The following RPN2 variants were observed in gnomAD, a reference collection of about 807,000 sequenced individuals.
The protein encoded by RPN2 is ribophorin II.
In RPN2, 29 loss-of-function variants were observed where a neutral mutation model predicts 71.4. The ratio of observed to expected loss-of-function variants is 0.41; its 90% CI spans 0.30 to 0.55. The LOEUF is 0.55. RPN2 is among the 20% of genes least tolerant of loss of function. RPN2 has a pLI of 0.35. For synonymous variants in RPN2, 308 were observed against 305.0 expected (o/e 1.01, Z -0.10); for missense variants, 726 against 774.1 (o/e 0.94, Z 0.74).
chr20:37,206,596 A>AT (rs2067514098), intron 6 of RPN2, among the ~76,000 whole-genome samples: 1 of 152,194 alleles, frequency 6.6e-6, no homozygotes, highest in African/African-American at 2.4e-5. Flanking sequence ...AGCACCTATC[A>AT]TGATGCCTGG....
intron 11 of RPN2, among the ~76,000 whole-genome samples, chr20:37,227,904 T>C (rs2068120141): frequency 6.6e-6 from 1 of 152,226 alleles, no homozygotes; most frequent in Non-Finnish European, 1.5e-5. Flanking sequence ...GCATATGGTA[T>C]TGCAAATCTT....
At chr20:37,179,591 C>G (rs904125474) in intron 1 of RPN2, 9 of 1,200,372 alleles carry the variant, frequency 7.5e-6, no homozygotes, top group African/African-American at 4.8e-5. Flanking sequence ...AGGGGTGCAG[C>G]GCGGAGCTAC....
chr20:37,217,304 T>TTATTATTATTATTATTATTC (rs564725876), intron 9 of RPN2, among the ~76,000 whole-genome samples: 1 of 144,058 alleles, frequency 6.9e-6, no homozygotes, highest in African/African-American at 2.5e-5. Context: ...TATTATTCTT[T>TTATTATTATTATTATTATTC]TTTTTTTGAA....
intron 3 of RPN2, 122 bp from the exon 4 acceptor site, chr20:37,198,928 G>T: frequency 1.2e-6 from 1 of 813,362 alleles, no homozygotes; most frequent in East Asian, 2.5e-5. Context: ...GGGATTAGAG[G>T]GGGATGAGCA....
intron 11 of RPN2, among the ~76,000 whole-genome samples, chr20:37,226,847 G>C (rs1008339322): frequency 3.3e-5 from 5 of 152,082 alleles, no homozygotes; most frequent in African/African-American, 1.2e-4. Context: ...TTAGTGTTAC[G>C]TGAAGGAAGA....
At chr20:37,196,705 TACC>T (rs778037091) in intron 2 of RPN2, among the ~76,000 whole-genome samples, 1 of 152,184 alleles carries the variant, frequency 6.6e-6, no homozygotes, top group Non-Finnish European at 1.5e-5. Context: ...CTGTTATTAT[TACC>T]ACATCTTTTT....
intron 4 of RPN2, among the ~76,000 whole-genome samples, chr20:37,201,922 A>G (rs1009089759): frequency 6.6e-6 from 1 of 152,252 alleles, no homozygotes; most frequent in Admixed American, 6.5e-5. Context: ...GTAGTCTGTC[A>G]TAAATCAATT....
intron 13 of RPN2, 58 bp downstream of exon 13, chr20:37,230,117 G>A: frequency 7.9e-7 from 1 of 1,261,524 alleles, no homozygotes; most frequent in Non-Finnish European, 1.2e-6. Flanking sequence ...ACAAAGCCCT[G>A]GACAGTGGCT....
intron 14 of RPN2, among the ~76,000 whole-genome samples, chr20:37,232,771 G>C (rs1320850017): frequency 6.6e-6 from 1 of 152,186 alleles, no homozygotes; most frequent in Non-Finnish European, 1.5e-5. Flanking sequence ...CAGAAAACCA[G>C]AAACAACCTA....
At chr20:37,195,638 T>G (rs2067239039) in intron 2 of RPN2, among the ~76,000 whole-genome samples, 1 of 152,220 alleles carries the variant, frequency 6.6e-6, no homozygotes, top group South Asian at 2.1e-4. Flanking sequence ...TGACACATTT[T>G]AAGTGCTCAG....
chr20:37,215,356 C>T (rs1416734734), intron 9 of RPN2, among the ~76,000 whole-genome samples: 1 of 152,202 alleles, frequency 6.6e-6, no homozygotes, highest in East Asian at 1.9e-4. Flanking sequence ...AATCTCTTCA[C>T]CTCATGTGTT....
chr20:37,228,629 A>C lies in RPN2; in HGVS notation c.1379A>C (p.Lys460Thr). 1 of 1,614,242 alleles carries C rather than the reference A, an allele frequency of 6.2e-7. No homozygotes were observed. Among genetic ancestry groups the C allele is most frequent in the Non-Finnish European group, 8.5e-7 (1 of 1,180,030 alleles). The change falls in exon 12 of 17, where the codon AAG becomes ACG. Residue 460 changes from lysine to threonine, a missense_variant. By Grantham distance (78) the Lys-to-Thr change is moderately conservative. Coordinates refer to ENST00000237530, the MANE Select transcript of RPN2 (RefSeq NM_002951.5). ...VAEPDNKNVY[K>T]FELDTSERKI... Reference sequence around the variant, plus strand: ...GAGCCAGACAACAAGAACGTGTACAAGTTTGAACTGGATACCTCTGAAAGA... The same window carrying C: ...GAGCCAGACAACAAGAACGTGTACACGTTTGAACTGGATACCTCTGAAAGA...
At chr20:37,186,092 A>G (rs1288417231) in intron 2 of RPN2, among the ~76,000 whole-genome samples, 1 of 152,198 alleles carries the variant, frequency 6.6e-6, no homozygotes, top group Non-Finnish European at 1.5e-5. Context: ...CAGTAATGGC[A>G]TGGTGAGTCC....
chr20:37,213,613 G>A (rs2067730625), intron 8 of RPN2, 147 bp from the exon 9 acceptor site: 2 of 687,690 alleles, frequency 2.9e-6, no homozygotes, highest in Middle Eastern at 2.4e-4. Flanking sequence ...TAAGAAGCAC[G>A]AGATTGCCCA....
chr20:37,224,350 C>T (rs2068028232), intron 10 of RPN2, among the ~76,000 whole-genome samples: 1 of 152,180 alleles, frequency 6.6e-6, no homozygotes, highest in South Asian at 2.1e-4. Flanking sequence ...AATTTACATT[C>T]TGGTGCGATC....
At chr20:37,236,473 G>T in intron 15 of RPN2, 107 bp from the exon 16 acceptor site, 1 of 1,165,310 alleles carries the variant, frequency 8.6e-7, no homozygotes. Context: ...GCTGGTATAG[G>T]AGTACAGACC....
chr20:37,241,305 C>T lies in RPN2; in HGVS notation c.1886C>T (p.Thr629Ile), dbSNP rs1397442339. The change falls in exon 17 of 17, where the codon ACA (threonine) becomes ATA (isoleucine). Residue 629 changes from threonine (T) to isoleucine (I), a missense_variant and splice_region_variant. Thr to Ile is a moderately conservative substitution (Grantham distance 89, BLOSUM62 -1). Transcript: ENST00000237530. ...TGTTTGTCTCCATTTTCTTTCAGAACAGCACATTAGTTCCAGAAGAAAGAT... is the reference window on the plus strand; with the variant it reads ...TGTTTGTCTCCATTTTCTTTCAGAATAGCACATTAGTTCCAGAAGAAAGAT... ...RMLAQQAVKR[T>I]AH 6.2e-7 allele frequency: 1 copy of T among 1,612,466 alleles called. No individual in the cohort carries two copies. Among genetic ancestry groups the T allele is most frequent in the Non-Finnish European group, 8.5e-7 (1 of 1,179,200 alleles).
chr20:37,214,214 T>G (rs1334754560), intron 9 of RPN2, among the ~76,000 whole-genome samples: 1 of 152,146 alleles, frequency 6.6e-6, no homozygotes, highest in East Asian at 1.9e-4. Flanking sequence ...TAGGCTTTGG[T>G]GGGTTTAGAA....
chr20:37,222,651 A>G (rs1306140425), intron 9 of RPN2, among the ~76,000 whole-genome samples: 2 of 152,170 alleles, frequency 1.3e-5, no homozygotes, highest in African/African-American at 4.8e-5. Context: ...CCTGACTTAG[A>G]CTATAAACCA....
Sources: allele counts gnomAD v4.1 joint callset (sites outside exome capture counted in the v4.1 genomes callset), GRCh38; gene constraint gnomAD v4.1.1; transcripts MANE v1.5; gene names NCBI Gene and HGNC (gene_info 2026-07-23, HGNC 2026-07-21).